Variants in VTI1A observed in about 807,000 individuals in gnomAD.
The protein encoded by VTI1A is vesicle transport through interaction with t-SNAREs homolog 1A.
In VTI1A, 22 loss-of-function variants were observed where a neutral mutation model predicts 34.9. The ratio of observed to expected loss-of-function variants is 0.63; its 90% CI spans 0.45 to 0.90. The LOEUF (loss-of-function observed/expected upper bound fraction) is 0.90, where lower values mean the gene tolerates loss of function less well. Ranked by LOEUF, VTI1A falls within the 40% of genes least tolerant of loss-of-function variation. VTI1A has a pLI of 0.00. For synonymous variants in VTI1A, 87 were observed against 97.3 expected (o/e 0.89, Z 0.62); for missense variants, 268 against 275.6 (o/e 0.97, Z 0.20).
At chr10:112,620,433 G>A (rs1292507056) in intron 5 of VTI1A, among the ~76,000 whole-genome samples, 3 of 152,198 alleles carry the variant, frequency 2.0e-5, no homozygotes, top group Non-Finnish European at 2.9e-5. Context: ...CTATAAGAGA[G>A]GAAGAAACAG....
At chr10:112,495,739 G>A (rs1848996122) in intron 3 of VTI1A, among the ~76,000 whole-genome samples, 1 of 152,124 alleles carries the variant, frequency 6.6e-6, no homozygotes, top group Non-Finnish European at 1.5e-5. Context: ...GATACTTAGG[G>A]AGAGAAGAGA....
chr10:112,689,669 C>G (rs907590098), intron 7 of VTI1A, among the ~76,000 whole-genome samples: 1 of 152,138 alleles, frequency 6.6e-6, no homozygotes, highest in Non-Finnish European at 1.5e-5. Context: ...AGCAGAATCT[C>G]TCCACTGAGA....
chr10:112,589,692 G>A (rs529588142), intron 5 of VTI1A, among the ~76,000 whole-genome samples: 1 of 152,156 alleles, frequency 6.6e-6, no homozygotes, highest in African/African-American at 2.4e-5. Context: ...CAACCCTCTG[G>A]GGTAGGTATT....
At chr10:112,679,325 G>A (rs6585169) in intron 7 of VTI1A, among the ~76,000 whole-genome samples, 51,501 of 151,982 alleles carry the variant, frequency 0.34, 8,936 homozygotes, top group East Asian at 0.49. Context: ...ATGGGGAAAA[G>A]AAAGCACTGT....
chr10:112,786,415 G>C (rs936791030), intron 7 of VTI1A, among the ~76,000 whole-genome samples: 1 of 152,118 alleles, frequency 6.6e-6, no homozygotes, highest in East Asian at 1.9e-4. Flanking sequence ...TTTCCAATCT[G>C]GGTGCCTTTT....
In VTI1A at chr10:112,583,022, TA is replaced by T. The variant is rs534646547; in HGVS notation, c.427+44695del. ...TGTATTCAATACTAGAGCAGTTCTG[TA>T]AACTCTTCCCAAATCGTTTAAGTGG... On this transcript the variant is annotated intron_variant, in intron 5 of 7. Coordinates refer to ENST00000393077, the MANE Select transcript of VTI1A (RefSeq NM_145206.4). 5.3e-4 allele frequency among the ~76,000 whole-genome samples: 80 copies of T among 152,322 alleles called. No homozygotes were observed. The South Asian group carries it at 0.01, about 19-fold the overall frequency.
chr10:112,460,200 A>C (rs1221657568), intron 1 of VTI1A, among the ~76,000 whole-genome samples: 1 of 152,238 alleles, frequency 6.6e-6, no homozygotes, highest in Non-Finnish European at 1.5e-5. Context: ...GACTTCACAG[A>C]TTCCTTAGGC....
chr10:112,637,283 G>A (rs906651708), intron 5 of VTI1A, among the ~76,000 whole-genome samples: 5 of 152,190 alleles, frequency 3.3e-5, no homozygotes, highest in African/African-American at 1.2e-4. Flanking sequence ...AACTAATGCT[G>A]TTTTTACAAT....
chr10:112,711,158 C>G (rs1276293615), intron 7 of VTI1A, among the ~76,000 whole-genome samples: 1 of 152,208 alleles, frequency 6.6e-6, no homozygotes, highest in Non-Finnish European at 1.5e-5. Context: ...TGAATAGCTT[C>G]ATTTTGAAAA....
intron 5 of VTI1A, among the ~76,000 whole-genome samples, chr10:112,662,287 A>C (rs539993959): frequency 6.6e-6 from 1 of 152,176 alleles, no homozygotes. Flanking sequence ...CTGGGAGTCT[A>C]ATAACATGTA....
intron 5 of VTI1A, among the ~76,000 whole-genome samples, chr10:112,590,821 C>G (rs545240754): frequency 6.6e-6 from 1 of 152,214 alleles, no homozygotes; most frequent in East Asian, 1.9e-4. Flanking sequence ...AGAAATATGG[C>G]CAGGCATGGT....
At chr10:112,748,507 C>G (rs1002170481) in intron 7 of VTI1A, among the ~76,000 whole-genome samples, 2 of 151,538 alleles carry the variant, frequency 1.3e-5, no homozygotes, top group East Asian at 3.9e-4. Context: ...CCCAACAAGT[C>G]CTTTATTACT....
chr10:112,493,646 T>C (rs1199380032), intron 3 of VTI1A, among the ~76,000 whole-genome samples: 1 of 152,184 alleles, frequency 6.6e-6, no homozygotes, highest in East Asian at 1.9e-4. Flanking sequence ...ATTTCCCTTT[T>C]ATTCTGAGTT....
At chr10:112,681,953 G>A (rs1848231924) in intron 7 of VTI1A, among the ~76,000 whole-genome samples, 1 of 152,064 alleles carries the variant, frequency 6.6e-6, no homozygotes, top group South Asian at 2.1e-4. Flanking sequence ...CATCGAATGG[G>A]CTTATAGAAA....
intron 5 of VTI1A, among the ~76,000 whole-genome samples, chr10:112,631,410 G>T (rs140413191): frequency 2.6e-4 from 39 of 152,218 alleles, no homozygotes; most frequent in Non-Finnish European, 4.9e-4. Flanking sequence ...TCGTTAGGCA[G>T]TTGCTCCCCT....
At chr10:112,456,437 AAAAAG>A (rs1847528436) in intron 1 of VTI1A, among the ~76,000 whole-genome samples, 2 of 151,818 alleles carry the variant, frequency 1.3e-5, no homozygotes, top group African/African-American at 4.8e-5. Flanking sequence ...AAAAAAAAAA[AAAAAG>A]AGGAAACTGT....
chr10:112,508,510 T>C (rs1347340660), intron 3 of VTI1A, among the ~76,000 whole-genome samples: 1 of 152,152 alleles, frequency 6.6e-6, no homozygotes, highest in Admixed American at 6.5e-5. Flanking sequence ...GAGACAAAAG[T>C]GATGACTTCA....
At chr10:112,477,836 TG>T (rs1193700174) in intron 3 of VTI1A, among the ~76,000 whole-genome samples, 1 of 152,252 alleles carries the variant, frequency 6.6e-6, no homozygotes, top group Non-Finnish European at 1.5e-5. Flanking sequence ...CTGACTTTTT[TG>T]TTTCATTGTT....
chr10:112,618,339 C>T (rs1195948743), intron 5 of VTI1A, among the ~76,000 whole-genome samples: 5 of 150,766 alleles, frequency 3.3e-5, no homozygotes, highest in Non-Finnish European at 7.4e-5. Flanking sequence ...CAGTAAAACT[C>T]TCAATAAAAA....
Sources: gnomAD v4.1 joint callset for allele counts (sites outside exome capture counted in the v4.1 genomes callset) on GRCh38, gnomAD v4.1.1 for gene constraint, MANE v1.5 for transcripts, NCBI Gene and HGNC (gene_info 2026-07-23, HGNC 2026-07-21) for gene names.